The following CNTNAP2 variants were observed in gnomAD, a reference collection of about 807,000 sequenced individuals.
The protein encoded by CNTNAP2 is contactin-associated protein-like 2.
CNTNAP2 carries 98 observed loss-of-function variants against 155.2 expected under a neutral mutation model. That is an observed-to-expected ratio of 0.63 (90% CI 0.54 to 0.75). CNTNAP2 has a LOEUF of 0.75. Among genes scored for constraint, CNTNAP2 ranks in the 30% least tolerant of loss-of-function variants. The pLI, the probability that CNTNAP2 is intolerant of heterozygous loss-of-function variation, is 0.00. For synonymous variants in CNTNAP2, 651 were observed against 631.2 expected, an observed-to-expected ratio of 1.03 and a Z score of -0.47; for missense variants, 1,727 against 1,688.1, an observed-to-expected ratio of 1.02 and a Z score of -0.40.
At chr7:146,849,486 A>C (rs775665505) in intron 3 of CNTNAP2, among the ~76,000 whole-genome samples, 1 of 152,204 alleles carries the variant, frequency 6.6e-6, no homozygotes, top group African/African-American at 2.4e-5. Context: ...TACATACACG[A>C]TATTTATAGA....
chr7:146,210,492 C>A (rs1014800612), intron 1 of CNTNAP2, among the ~76,000 whole-genome samples: 1 of 152,022 alleles, frequency 6.6e-6, no homozygotes, highest in African/African-American at 2.4e-5. Flanking sequence ...TTAGTAGATA[C>A]GGGGTTTCAC....
At chr7:146,947,557 G>GTGTATATA (rs1472982138) in intron 3 of CNTNAP2, among the ~76,000 whole-genome samples, 5 of 50,736 alleles carry the variant, frequency 9.9e-5, no homozygotes, top group African/African-American at 2.8e-4. Flanking sequence ...GTGTGTGTGT[G>GTGTATATA]TATATATATA....
intron 8 of CNTNAP2, among the ~76,000 whole-genome samples, chr7:147,173,822 C>G (rs4725706): frequency 6.6e-6 from 1 of 151,996 alleles, no homozygotes; most frequent in Non-Finnish European, 1.5e-5. Flanking sequence ...ACTCTGCACA[C>G]GTTGCTGCTA....
At position 147,399,667 on chromosome 7, in the gene CNTNAP2, G is replaced by A. The variant is rs561230950; in HGVS notation, c.1670+3887G>A. 2.6e-5 allele frequency among the ~76,000 whole-genome samples: 4 copies of A among 152,304 alleles called. No individual in the cohort carries two copies. The South Asian group carries it at 6.2e-4, about 24-fold the overall frequency. The stretch of plus-strand genomic sequence containing the variant: ...ACATGAATTGAAATGTCTACTGGAC[G>A]TCTAAGTAGAAATGTCAGGAAGAGA... On this transcript the variant is annotated intron_variant, in intron 10 of 23. Transcript: ENST00000361727.
chr7:148,074,129 G>A (rs1377063135), intron 15 of CNTNAP2, among the ~76,000 whole-genome samples: 1 of 152,156 alleles, frequency 6.6e-6, no homozygotes, highest in Non-Finnish European at 1.5e-5. Context: ...AGAAATCCTA[G>A]GCTTAAGAGA....
At chr7:146,336,704 A>G (rs1412724257) in intron 1 of CNTNAP2, among the ~76,000 whole-genome samples, 1 of 152,218 alleles carries the variant, frequency 6.6e-6, no homozygotes, top group Non-Finnish European at 1.5e-5. Context: ...ATAAGTGAAT[A>G]GTTAAACAGG....
intron 9 of CNTNAP2, among the ~76,000 whole-genome samples, chr7:147,308,960 C>A (rs193227364): frequency 1.1e-4 from 17 of 152,244 alleles, no homozygotes; most frequent in Admixed American, 6.5e-4. Context: ...AAATGGAGAA[C>A]CCTGACTTAA....
At chr7:147,770,200 G>C (rs1251984762) in intron 13 of CNTNAP2, among the ~76,000 whole-genome samples, 1 of 152,160 alleles carries the variant, frequency 6.6e-6, no homozygotes, top group Non-Finnish European at 1.5e-5. Context: ...TCCATTATGT[G>C]CTTGGGTTAC....
At position 146,962,216 on chromosome 7, in the gene CNTNAP2, C is replaced by T. The variant is rs1256206144; in HGVS notation, c.403-81691C>T. ...CCCAGTGCATTAAGAGCTTCCAAAA[C>T]AGTAGATTTTTGCTAAATAAGATAA... On this transcript the variant is annotated intron_variant, in intron 3 of 23. Transcript: ENST00000361727. Among the ~76,000 whole-genome samples, 6 of 152,228 alleles carry T rather than the reference C, an allele frequency of 3.9e-5. No homozygotes were observed. The South Asian group carries it at 8.3e-4, about 21-fold the overall frequency.
At chr7:147,580,807 G>T (rs188405668) in intron 12 of CNTNAP2, among the ~76,000 whole-genome samples, 3 of 152,172 alleles carry the variant, frequency 2.0e-5, no homozygotes, top group African/African-American at 7.2e-5. Context: ...GCAGAGGCAG[G>T]GTTTCAGCAT....
At chr7:147,266,987 G>T (rs192475192) in intron 8 of CNTNAP2, among the ~76,000 whole-genome samples, 1 of 152,174 alleles carries the variant, frequency 6.6e-6, no homozygotes, top group Non-Finnish European at 1.5e-5. Flanking sequence ...CTACTTAACA[G>T]TAAGGGGCAT....
At chr7:147,599,399 C>A (rs1438321675) in intron 12 of CNTNAP2, among the ~76,000 whole-genome samples, 1 of 148,614 alleles carries the variant, frequency 6.7e-6, no homozygotes, top group Non-Finnish European at 1.5e-5. Flanking sequence ...AGGAGAATCA[C>A]TTTAACCCAG....
chr7:146,361,828 G>T (rs2129100968), intron 1 of CNTNAP2, among the ~76,000 whole-genome samples: 1 of 152,214 alleles, frequency 6.6e-6, no homozygotes, highest in East Asian at 1.9e-4. Context: ...AAATATGAAG[G>T]CATGAAACAA....
At chr7:147,182,904 A>G (rs1359381172) in intron 8 of CNTNAP2, among the ~76,000 whole-genome samples, 1 of 152,180 alleles carries the variant, frequency 6.6e-6, no homozygotes, top group Non-Finnish European at 1.5e-5. Context: ...TACTTATATT[A>G]TTCAGTCAGT....
chr7:146,295,631 C>T (rs986275027), intron 1 of CNTNAP2, among the ~76,000 whole-genome samples: 5 of 151,838 alleles, frequency 3.3e-5, no homozygotes, highest in African/African-American at 1.2e-4. Context: ...ATGGATTTTC[C>T]TATCCCTCAA....
chr7:146,160,592 G>C (rs1798203925), intron 1 of CNTNAP2, among the ~76,000 whole-genome samples: 1 of 152,158 alleles, frequency 6.6e-6, no homozygotes, highest in Non-Finnish European at 1.5e-5. Flanking sequence ...AAATAAACTA[G>C]AATATCTAGC....
rs142457832 is a variant in CNTNAP2 at position 146,651,711 on chromosome 7, C to G, written c.98-122560C>G. Among the ~76,000 whole-genome samples the G allele has an allele frequency of 1.1e-3, 164 of 152,260 alleles. No homozygotes were observed. In the East Asian group the frequency reaches 0.02, roughly 19 times the overall value. On this transcript the variant is annotated intron_variant, in intron 1 of 23. Coordinates refer to ENST00000361727, the MANE Select transcript of CNTNAP2 (RefSeq NM_014141.6). ...ATGATATTCTCTTATTGCTGTCACT[C>G]CCTTCCTTAGACACTGGCTACAAAA...
chr7:147,101,449 G>A (rs959803651), intron 4 of CNTNAP2, among the ~76,000 whole-genome samples: 3 of 152,116 alleles, frequency 2.0e-5, no homozygotes, highest in East Asian at 3.9e-4. Context: ...GTGTTGCAGT[G>A]CTCTTTTAGC....
intron 13 of CNTNAP2, among the ~76,000 whole-genome samples, chr7:147,738,572 T>C (rs1439284797): frequency 6.6e-6 from 1 of 152,228 alleles, no homozygotes; most frequent in Non-Finnish European, 1.5e-5. Context: ...ATGAAGCATT[T>C]TTTAAATTAA....
Sources: gnomAD v4.1 joint callset for allele counts (sites outside exome capture counted in the v4.1 genomes callset) on GRCh38, gnomAD v4.1.1 for gene constraint, MANE v1.5 for transcripts, NCBI Gene and HGNC (gene_info 2026-07-23, HGNC 2026-07-21) for gene names.